Variants in TBC1D19 observed in about 807,000 individuals in gnomAD.
TBC1D19 encodes the protein TBC1 domain family member 19, also known as TBC1 domain family, member 19.
A neutral mutation model predicts 89.0 loss-of-function variants in TBC1D19; 60 were observed. That is an observed-to-expected ratio of 0.67 (90% CI 0.55 to 0.84). The LOEUF (loss-of-function observed/expected upper bound fraction) is 0.84. Among genes scored for constraint, TBC1D19 ranks in the 40% least tolerant of loss-of-function variants. The pLI, the probability that TBC1D19 is intolerant of heterozygous loss-of-function variation, is 0.00. For synonymous variants in TBC1D19, 189 were observed against 199.7 expected (o/e 0.95, Z 0.45); for missense variants, 500 against 610.8 (o/e 0.82, Z 1.91).
intron 1 of TBC1D19, among the ~76,000 whole-genome samples, chr4:26,604,043 T>A (rs1272967660): frequency 6.6e-6 from 1 of 152,152 alleles, no homozygotes; most frequent in Non-Finnish European, 1.5e-5. Context: ...GCACCTCACA[T>A]AAGTGGAATC....
chr4:26,655,145 C>A lies in TBC1D19; in HGVS notation c.481-4452C>A, dbSNP rs138573866. 2.6e-3 allele frequency among the ~76,000 whole-genome samples: 393 copies of A among 152,278 alleles called. 3 individuals are homozygous for A. Among genetic ancestry groups the A allele is most frequent in the African/African-American group, 9.2e-3 (381 of 41,544 alleles). On this transcript the variant is annotated intron_variant, in intron 7 of 20. Transcript: ENST00000264866. Reference sequence around the variant, plus strand: ...AGTTTGCTGGAGGTCCACACCAGACCCTATTTGCCTGGGTGTCAGCAGCGG... The same window carrying A: ...AGTTTGCTGGAGGTCCACACCAGACACTATTTGCCTGGGTGTCAGCAGCGG...
intron 4 of TBC1D19, among the ~76,000 whole-genome samples, chr4:26,629,342 C>T: frequency 6.6e-6 from 1 of 152,028 alleles, no homozygotes; most frequent in South Asian, 2.1e-4. Flanking sequence ...ATCCATCCTC[C>T]ACAGGAGAGG....
intron 12 of TBC1D19, among the ~76,000 whole-genome samples, chr4:26,686,165 C>G (rs542880993): frequency 6.6e-6 from 1 of 152,042 alleles, no homozygotes; most frequent in African/African-American, 2.4e-5. Context: ...CTCCCTATAG[C>G]AAAAACTTAT....
upstream of TBC1D19, among the ~76,000 whole-genome samples, chr4:26,583,757 GT>G (rs995015925): frequency 1.3e-5 from 2 of 152,178 alleles, no homozygotes; most frequent in African/African-American, 4.8e-5. Flanking sequence ...CTAACAATTC[GT>G]GGTTGTAATT....
chr4:26,604,288 G>A (rs2109990776), intron 1 of TBC1D19, among the ~76,000 whole-genome samples: 1 of 151,248 alleles, frequency 6.6e-6, no homozygotes, highest in East Asian at 2.0e-4. Flanking sequence ...CGAGTACTGG[G>A]ACTACAGGCA....
At chr4:26,824,258 C>T in the TBC1D19 span, among the ~76,000 whole-genome samples, 3 of 152,160 alleles carry the variant, frequency 2.0e-5, no homozygotes, top group Non-Finnish European at 2.9e-5. Flanking sequence ...AGCAACAGTG[C>T]GTGAGGCCTG....
intron 7 of TBC1D19, among the ~76,000 whole-genome samples, chr4:26,650,955 C>T (rs1370656619): frequency 6.6e-6 from 1 of 152,166 alleles, no homozygotes; most frequent in African/African-American, 2.4e-5. Flanking sequence ...TTTCCCAGCA[C>T]CATTTATTAA....
chr4:26,806,768 C>T, the TBC1D19 span, among the ~76,000 whole-genome samples: 26 of 152,280 alleles, frequency 1.7e-4, no homozygotes, highest in East Asian at 4.8e-3. Context: ...TTGCAAGAAG[C>T]CATGTGAAGA....
chr4:26,604,870 C>T lies in TBC1D19; in HGVS notation c.100-8299C>T, dbSNP rs1032196126. Among the ~76,000 whole-genome samples the T allele has an allele frequency of 3.0e-5, 4 of 135,190 alleles. No homozygotes were observed. In the Admixed American group the frequency reaches 3.2e-4, roughly 11 times the overall value. The allele number at this position is 135,190 out of a possible 152,430, so 88.7% of individuals were successfully genotyped here. ...CTGCACTTCAGCCTGGGCGACAGAGCGAGAATCCATCTCAAATAATAATAA... is the reference window on the plus strand; with the variant it reads ...CTGCACTTCAGCCTGGGCGACAGAGTGAGAATCCATCTCAAATAATAATAA... On this transcript the variant is annotated intron_variant, in intron 1 of 20. Coordinates refer to ENST00000264866, the MANE Select transcript of TBC1D19 (RefSeq NM_018317.4).
chr4:26,757,467 T>C (rs1414191008), downstream of TBC1D19, among the ~76,000 whole-genome samples: 1 of 152,224 alleles, frequency 6.6e-6, no homozygotes, highest in Non-Finnish European at 1.5e-5. Flanking sequence ...AGTGATACAT[T>C]GGCATTGATG....
At chr4:26,579,221 A>C (rs1739024665), upstream of TBC1D19, among the ~76,000 whole-genome samples, 1 of 152,212 alleles carries the variant, frequency 6.6e-6, no homozygotes, top group Non-Finnish European at 1.5e-5. Flanking sequence ...TTCATATCCC[A>C]GTACCACTCT....
the TBC1D19 span, among the ~76,000 whole-genome samples, chr4:26,773,242 T>A: frequency 2.0e-5 from 3 of 152,396 alleles, no homozygotes; most frequent in South Asian, 6.2e-4. Flanking sequence ...TTCATATGTT[T>A]GTTTGCCACA....
chr4:26,624,918 A>G (rs1390763327), intron 4 of TBC1D19, among the ~76,000 whole-genome samples: 2 of 152,188 alleles, frequency 1.3e-5, no homozygotes, highest in African/African-American at 2.4e-5. Flanking sequence ...GGAGTAGTAT[A>G]CAAGTGGTTT....
intron 15 of TBC1D19, among the ~76,000 whole-genome samples, chr4:26,728,498 C>T (rs1485686206): frequency 6.6e-6 from 1 of 151,806 alleles, no homozygotes; most frequent in African/African-American, 2.4e-5. Flanking sequence ...CATGAAACAG[C>T]AGAGGCAGTA....
the TBC1D19 span, among the ~76,000 whole-genome samples, chr4:26,764,278 C>A: frequency 9.2e-5 from 14 of 152,118 alleles, no homozygotes; most frequent in Non-Finnish European, 2.1e-4. Context: ...TTAAAGCCAA[C>A]CTCCTTCTCT....
At chr4:26,705,117 GTTT>G (rs561726223) in intron 13 of TBC1D19, among the ~76,000 whole-genome samples, 1 of 128,572 alleles carries the variant, frequency 7.8e-6, no homozygotes, top group East Asian at 2.2e-4. Flanking sequence ...GGATCAACTT[GTTT>G]TTTTTTGTTG....
intron 4 of TBC1D19, among the ~76,000 whole-genome samples, chr4:26,625,864 G>T (rs1021442301): frequency 6.6e-6 from 1 of 152,030 alleles, no homozygotes; most frequent in Non-Finnish European, 1.5e-5. Context: ...ATCGCTGTAG[G>T]TGTTAACCCT....
At chr4:26,724,318 A>G (rs1227546692) in intron 15 of TBC1D19, among the ~76,000 whole-genome samples, 3 of 151,944 alleles carry the variant, frequency 2.0e-5, no homozygotes, top group South Asian at 2.1e-4. Context: ...AATGGGTTAT[A>G]CTTTTTTATT....
At chr4:26,788,746 A>G in the TBC1D19 span, among the ~76,000 whole-genome samples, 3 of 152,168 alleles carry the variant, frequency 2.0e-5, no homozygotes, top group East Asian at 1.9e-4. Flanking sequence ...CCTCCTTCCA[A>G]TTAGCCTACT....
Sources: gnomAD v4.1 joint callset for allele counts (sites outside exome capture counted in the v4.1 genomes callset) on GRCh38, gnomAD v4.1.1 for gene constraint, MANE v1.5 for transcripts, NCBI Gene and HGNC (gene_info 2026-07-23, HGNC 2026-07-21) for gene names.